Variants in PDGFD observed in about 807,000 individuals in gnomAD.
The protein encoded by PDGFD is platelet-derived growth factor D.
Under a neutral mutation model 44.7 loss-of-function variants are expected in PDGFD, and 30 were observed. The ratio of observed to expected loss-of-function variants is 0.67; its 90% CI spans 0.50 to 0.91. The LOEUF (loss-of-function observed/expected upper bound fraction) is 0.91, where lower values mean the gene tolerates loss of function less well. Among genes scored for constraint, PDGFD ranks in the 40% least tolerant of loss-of-function variants. PDGFD has a pLI of 0.00. For synonymous variants in PDGFD, 173 were observed against 168.4 expected (o/e 1.03, Z -0.21); for missense variants, 445 against 457.8 (o/e 0.97, Z 0.25).
chr11:103,938,282 A>T (rs991691117), intron 5 of PDGFD, among the ~76,000 whole-genome samples: 5 of 151,980 alleles, frequency 3.3e-5, no homozygotes, highest in African/African-American at 1.2e-4. Context: ...TGTGGTTTTG[A>T]TTTGCATTTC....
At chr11:104,048,902 G>A (rs1337067344) in intron 1 of PDGFD, among the ~76,000 whole-genome samples, 1 of 152,140 alleles carries the variant, frequency 6.6e-6, no homozygotes, top group Non-Finnish European at 1.5e-5. Flanking sequence ...CTTGCCAAGT[G>A]AGTCATTTAT....
At chr11:104,100,388 C>T (rs1261347697) in intron 1 of PDGFD, among the ~76,000 whole-genome samples, 1 of 152,194 alleles carries the variant, frequency 6.6e-6, no homozygotes, top group African/African-American at 2.4e-5. Flanking sequence ...TTACTCGATA[C>T]ATACACCCTC....
chr11:103,927,228 T>A lies in PDGFD; in HGVS notation c.773-102A>T, dbSNP rs888137836. 1.4e-5 allele frequency: 15 copies of A among 1,035,326 alleles called. No individual in the cohort carries two copies. The African/African-American group carries it at 2.4e-4, about 16-fold the overall frequency. 64.1% of individuals were successfully genotyped at this position (1,035,326 alleles called of 1,614,324 possible). A position where few individuals can be genotyped will look rare whatever the true frequency, so the allele number is the denominator to read the frequency against. ...AGTGGGAAGATTCTGTGAGGACAAC[T>A]TTAATCCTGGGATTAAATCCATCCT... On this transcript the variant is annotated intron_variant, in intron 5 of 6. Transcript: ENST00000393158.
chr11:104,065,856 C>T (rs361263), intron 1 of PDGFD, among the ~76,000 whole-genome samples: 70,550 of 151,836 alleles, frequency 0.46, 17,993 homozygotes, highest in African/African-American at 0.68. Context: ...TTTTCTAGTC[C>T]GTTCTAAGGG....
At chr11:103,933,967 T>C (rs1368064747) in intron 5 of PDGFD, among the ~76,000 whole-genome samples, 1 of 152,172 alleles carries the variant, frequency 6.6e-6, no homozygotes, top group East Asian at 1.9e-4. Context: ...ATAAAGCATA[T>C]CTATGAAATG....
intron 1 of PDGFD, among the ~76,000 whole-genome samples, chr11:104,087,564 CA>C (rs1411871722): frequency 5.1e-4 from 78 of 152,092 alleles, no homozygotes; most frequent in Non-Finnish European, 1.2e-4. Flanking sequence ...GTCTAAAAAA[CA>C]AAATCTATTT....
chr11:103,926,396 C>T (rs1446132387), intron 6 of PDGFD, among the ~76,000 whole-genome samples: 1 of 152,130 alleles, frequency 6.6e-6, no homozygotes, highest in Non-Finnish European at 1.5e-5. Flanking sequence ...CCCTGAGTAG[C>T]ACTTAATAAT....
intron 1 of PDGFD, among the ~76,000 whole-genome samples, chr11:104,003,858 G>A (rs1859658108): frequency 6.6e-6 from 1 of 152,136 alleles, no homozygotes; most frequent in African/African-American, 2.4e-5. Context: ...ACATGCCCTG[G>A]GAGTGGCAGA....
chr11:103,961,974 T>C (rs1478511102), intron 3 of PDGFD, among the ~76,000 whole-genome samples: 1 of 152,272 alleles, frequency 6.6e-6, no homozygotes, highest in East Asian at 1.9e-4. Flanking sequence ...TTTCAGTGCA[T>C]ATGAAAAATA....
chr11:103,971,583 GAGCT>G (rs1215194746), intron 3 of PDGFD, among the ~76,000 whole-genome samples: 1 of 152,138 alleles, frequency 6.6e-6, no homozygotes, highest in Non-Finnish European at 1.5e-5. Flanking sequence ...ACATTGAAAA[GAGCT>G]ACTAATTATT....
chr11:104,061,758 C>T (rs1860720888), intron 1 of PDGFD, among the ~76,000 whole-genome samples: 1 of 152,146 alleles, frequency 6.6e-6, no homozygotes, highest in African/African-American at 2.4e-5. Context: ...TAGGTGCATG[C>T]CACCATGCCT....
chr11:103,917,060 C>T (rs1858138053), intron 6 of PDGFD, among the ~76,000 whole-genome samples: 1 of 151,734 alleles, frequency 6.6e-6, no homozygotes, highest in African/African-American at 2.4e-5. Flanking sequence ...ACATTCTGCA[C>T]ATGTACCCCA....
intron 3 of PDGFD, among the ~76,000 whole-genome samples, chr11:103,977,378 A>G (rs1305293594): frequency 6.6e-6 from 1 of 152,176 alleles, no homozygotes; most frequent in East Asian, 1.9e-4. Context: ...AACCTGGCAG[A>G]GACACAATAA....
intron 1 of PDGFD, among the ~76,000 whole-genome samples, chr11:104,097,148 C>A (rs1346519085): frequency 6.6e-6 from 1 of 152,090 alleles, no homozygotes; most frequent in African/African-American, 2.4e-5. Flanking sequence ...CTCAACAGGG[C>A]AGTTGCTATT....
intron 5 of PDGFD, among the ~76,000 whole-genome samples, chr11:103,940,606 TG>T (rs1296005030): frequency 6.6e-6 from 1 of 152,178 alleles, no homozygotes; most frequent in African/African-American, 2.4e-5. Flanking sequence ...GCCATGAATT[TG>T]TATTTTTAAG....
chr11:103,935,860 G>A (rs1858480856), intron 5 of PDGFD, among the ~76,000 whole-genome samples: 1 of 152,120 alleles, frequency 6.6e-6, no homozygotes, highest in African/African-American at 2.4e-5. Context: ...AGAAAATAGA[G>A]AATCAGGGGT....
At chr11:103,971,797 G>A (rs1859106449) in intron 3 of PDGFD, among the ~76,000 whole-genome samples, 1 of 152,154 alleles carries the variant, frequency 6.6e-6, no homozygotes, top group South Asian at 2.1e-4. Context: ...TATCAGCGAA[G>A]AACACTTCAG....
chr11:103,959,436 T>C (rs1009832232), intron 3 of PDGFD, among the ~76,000 whole-genome samples: 6 of 152,206 alleles, frequency 3.9e-5, no homozygotes, highest in Admixed American at 3.3e-4. Flanking sequence ...TAATGTAAAG[T>C]CTGAAACAAA....
chr11:104,108,265 G>A (rs564414150), intron 1 of PDGFD, among the ~76,000 whole-genome samples: 7 of 151,932 alleles, frequency 4.6e-5, no homozygotes, highest in Non-Finnish European at 1.0e-4. Flanking sequence ...GAGTGAATAC[G>A]CAACCTACAG....
Sources: gnomAD v4.1 joint callset for allele counts (sites outside exome capture counted in the v4.1 genomes callset) on GRCh38, gnomAD v4.1.1 for gene constraint, MANE v1.5 for transcripts, NCBI Gene and HGNC (gene_info 2026-07-23, HGNC 2026-07-21) for gene names.